Variants in MCHR2 observed in about 807,000 individuals in gnomAD.
The protein encoded by MCHR2 is melanin-concentrating hormone receptor 2.
Under a neutral mutation model 24.8 loss-of-function variants are expected in MCHR2, and 15 were observed. The ratio of observed to expected loss-of-function variants is 0.60; its 90% confidence interval spans 0.40 to 0.93. The LOEUF is 0.93. Ranked by LOEUF, MCHR2 falls within the 40% of genes least tolerant of loss-of-function variation. The pLI is 0.00. For missense variants in MCHR2, 386 were observed against 408.7 expected, an observed-to-expected ratio of 0.94 and a Z score of 0.48; for synonymous variants, 151 against 147.6, an observed-to-expected ratio of 1.02 and a Z score of -0.17.
At chr6:99,929,393 TG>T (rs1379613421) in intron 5 of MCHR2, among the ~76,000 whole-genome samples, 1 of 152,178 alleles carries the variant, frequency 6.6e-6, no homozygotes, top group Non-Finnish European at 1.5e-5. Flanking sequence ...TGGGTATCCT[TG>T]TTAACTTTCT....
intron 5 of MCHR2, among the ~76,000 whole-genome samples, chr6:99,932,163 T>C (rs1451470069): frequency 6.6e-6 from 1 of 152,194 alleles, no homozygotes; most frequent in Admixed American, 6.5e-5. Flanking sequence ...TTTTTTCCTT[T>C]AGTGTTTAAA....
intron 1 of MCHR2, among the ~76,000 whole-genome samples, chr6:99,956,664 T>A (rs1003924759): frequency 3.3e-5 from 5 of 152,208 alleles, no homozygotes; most frequent in African/African-American, 1.2e-4. Flanking sequence ...TGGACTATGT[T>A]GAAGCATGAG....
intron 1 of MCHR2, among the ~76,000 whole-genome samples, chr6:99,971,463 G>A (rs1305274594): frequency 6.6e-6 from 1 of 152,168 alleles, no homozygotes; most frequent in Non-Finnish European, 1.5e-5. Flanking sequence ...ATTTTGGGCT[G>A]AGACATTGGG....
intron 1 of MCHR2, among the ~76,000 whole-genome samples, chr6:99,971,196 A>G (rs1562131311): frequency 6.6e-6 from 1 of 152,226 alleles, no homozygotes; most frequent in Non-Finnish European, 1.5e-5. Context: ...ACCCATGAGC[A>G]TGGAATGTTC....
At position 99,983,000 on chromosome 6, in the gene MCHR2, G is replaced by T. The variant is rs550816623; in HGVS notation, c.-28+10936C>A. Among the ~76,000 whole-genome samples the T allele has an allele frequency of 4.0e-3, 607 of 152,220 alleles. 1 individual carries two copies. The highest frequency in any genetic ancestry group is 6.7e-3 in the Admixed American group (102 of 15,294). On this transcript the variant is annotated intron_variant, in intron 1 of 5. Transcript: ENST00000281806. ...ATTAGAGTCAGGGTCTTGCTCTGCT[G>T]CTCTGGCTGGAGTGCAGTGGTGCAA...
intron 2 of MCHR2, among the ~76,000 whole-genome samples, chr6:99,949,617 C>G (rs1055239519): frequency 6.6e-6 from 1 of 152,116 alleles, no homozygotes; most frequent in Non-Finnish European, 1.5e-5. Context: ...CAGGCCTTGG[C>G]AGCATCCACT....
intron 1 of MCHR2, among the ~76,000 whole-genome samples, chr6:99,984,370 AT>A (rs1342627750): frequency 1.3e-5 from 2 of 151,888 alleles, no homozygotes. Context: ...TTAACTAGTC[AT>A]TTAGCATTAG....
intron 1 of MCHR2, among the ~76,000 whole-genome samples, chr6:99,992,185 T>C (rs1439104107): frequency 6.6e-6 from 1 of 152,118 alleles, no homozygotes; most frequent in East Asian, 1.9e-4. Context: ...CCTTGTGGAG[T>C]GGGAGCTGTG....
chr6:99,953,504 T>G (rs1775003833), intron 2 of MCHR2, among the ~76,000 whole-genome samples: 1 of 152,118 alleles, frequency 6.6e-6, no homozygotes, highest in African/African-American at 2.4e-5. Context: ...TCAGCACTAT[T>G]GCCTCTTTGA....
intron 1 of MCHR2, among the ~76,000 whole-genome samples, chr6:99,967,295 G>T (rs2114560439): frequency 6.6e-6 from 1 of 152,128 alleles, no homozygotes; most frequent in South Asian, 2.1e-4. Context: ...TATTCATGAT[G>T]ACTAGGACAA....
At chr6:99,984,232 T>G (rs1202329548) in intron 1 of MCHR2, among the ~76,000 whole-genome samples, 2 of 67,186 alleles carry the variant, frequency 3.0e-5, no homozygotes, top group Non-Finnish European at 2.6e-5. Flanking sequence ...TATCTTTTTG[T>G]TTTTTATTTT....
intron 2 of MCHR2, among the ~76,000 whole-genome samples, chr6:99,954,937 TC>T: frequency 6.6e-6 from 1 of 152,256 alleles, no homozygotes; most frequent in Middle Eastern, 3.4e-3. Flanking sequence ...TTAGACTTGG[TC>T]CCTTCTGCAG....
rs1183903711 is a variant in MCHR2 at position 99,921,265 on chromosome 6, A to G, written c.708-10T>C. 1 of 1,610,060 alleles carries G rather than the reference A, an allele frequency of 6.2e-7. No homozygotes were observed. Among genetic ancestry groups the G allele is most frequent in the African/African-American group, 1.3e-5 (1 of 74,904 alleles). On this transcript the variant is annotated splice_polypyrimidine_tract_variant and intron_variant, in intron 5 of 5. Coordinates refer to ENST00000281806, the MANE Select transcript of MCHR2 (RefSeq NM_001040179.2). ...TACACTGGGATTGCAGCTGCAGAGG[A>G]AACATTCAGATAGACAGGGTATAAA... is the stretch of plus-strand genomic sequence containing the variant.
intron 5 of MCHR2, among the ~76,000 whole-genome samples, chr6:99,927,053 T>G (rs1774379173): frequency 6.6e-6 from 1 of 152,176 alleles, no homozygotes; most frequent in Non-Finnish European, 1.5e-5. Context: ...TTTCTACATA[T>G]GGCTAGCCAG....
chr6:99,938,992 A>C (rs1774722000), intron 4 of MCHR2, among the ~76,000 whole-genome samples: 1 of 151,884 alleles, frequency 6.6e-6, no homozygotes, highest in Non-Finnish European at 1.5e-5. Flanking sequence ...ATTTTATCTA[A>C]ATATAGCTAC....
At chr6:99,980,397 G>C (rs748585943) in intron 1 of MCHR2, among the ~76,000 whole-genome samples, 3 of 152,176 alleles carry the variant, frequency 2.0e-5, no homozygotes, top group Non-Finnish European at 4.4e-5. Context: ...TAATGGCCTG[G>C]TCAGATCCAG....
chr6:99,972,686 T>C (rs1421907626), intron 1 of MCHR2, among the ~76,000 whole-genome samples: 2 of 152,210 alleles, frequency 1.3e-5, no homozygotes, highest in Non-Finnish European at 1.5e-5. Context: ...CCTGCTTTCT[T>C]TTCTGGGCAT....
At chr6:99,930,861 A>G (rs1774506788) in intron 5 of MCHR2, among the ~76,000 whole-genome samples, 1 of 152,144 alleles carries the variant, frequency 6.6e-6, no homozygotes, top group Admixed American at 6.5e-5. Context: ...TTCTCCATCC[A>G]GCTTTGTTCC....
chr6:99,977,875 A>G (rs748880229), intron 1 of MCHR2, among the ~76,000 whole-genome samples: 1 of 152,242 alleles, frequency 6.6e-6, no homozygotes, highest in Non-Finnish European at 1.5e-5. Flanking sequence ...AGTTTGCTAG[A>G]TGATAAGTAT....
Sources: gnomAD v4.1 joint callset for allele counts (sites outside exome capture counted in the v4.1 genomes callset) on GRCh38, gnomAD v4.1.1 for gene constraint, MANE v1.5 for transcripts, NCBI Gene and HGNC (gene_info 2026-07-23, HGNC 2026-07-21) for gene names.